The following PRKAR1A variants were observed in gnomAD, a reference collection of about 807,000 sequenced individuals.
The protein encoded by PRKAR1A is protein kinase cAMP-dependent type I regulatory subunit alpha, also known as cAMP-dependent protein kinase type I-alpha regulatory subunit.
A neutral mutation model predicts 52.0 loss-of-function variants in PRKAR1A; 3 were observed. That is an observed-to-expected ratio of 0.06 (90% CI 0.03 to 0.15). PRKAR1A has a LOEUF of 0.15. Among genes scored for constraint, PRKAR1A ranks in the 10% least tolerant of loss-of-function variants. The pLI is 1.00. For synonymous variants in PRKAR1A, 188 were observed against 168.4 expected, an observed-to-expected ratio of 1.12 and a Z score of -0.90; for missense variants, 240 against 477.4, an observed-to-expected ratio of 0.50 and a Z score of 4.63.
At chr17:68,444,650 C>A in the PRKAR1A span, 40,506 of 1,373,038 alleles carry the variant, frequency 0.03, 722 homozygotes, top group Non-Finnish European at 0.035. Flanking sequence ...CTGACCAAAT[C>A]CAAATCATTC....
chr17:68,444,464 G>C, the PRKAR1A span: 7 of 1,589,628 alleles, frequency 4.4e-6, no homozygotes, highest in Non-Finnish European at 5.2e-6. Flanking sequence ...TGAAATTTCA[G>C]GGACATTTGT....
At chr17:68,476,662 C>G in the PRKAR1A span, among the ~76,000 whole-genome samples, 1 of 150,940 alleles carries the variant, frequency 6.6e-6, no homozygotes, top group Non-Finnish European at 1.5e-5. Context: ...CTCCCTCTCT[C>G]TCTCTCTTTC....
At chr17:68,413,802 G>C in the PRKAR1A span, 1 of 156,992 alleles carries the variant, frequency 6.4e-6, no homozygotes, top group South Asian at 2.0e-4. Flanking sequence ...CCAGGTAAGG[G>C]ATGTAATCTC....
chr17:68,503,385 T>C, the PRKAR1A span, among the ~76,000 whole-genome samples: 223 of 152,326 alleles, frequency 1.5e-3, no homozygotes, highest in Non-Finnish European at 2.6e-3. Context: ...CTCAGAGAAG[T>C]TGCACATGGA....
intron 11 of PRKAR1A, chr17:68,539,275 G>T: frequency 6.4e-7 from 1 of 1,566,800 alleles, no homozygotes; most frequent in Non-Finnish European, 8.8e-7. Flanking sequence ...GACCTTGGCT[G>T]CAAGCAGCAT....
At chr17:68,533,794 A>G (rs893384774), downstream of PRKAR1A, among the ~76,000 whole-genome samples, 5 of 152,182 alleles carry the variant, frequency 3.3e-5, no homozygotes, top group East Asian at 1.9e-4. Context: ...GTGAAGTGGC[A>G]TGATCACTGC....
At chr17:68,436,591 G>A in the PRKAR1A span, 8 of 948,626 alleles carry the variant, frequency 8.4e-6, no homozygotes, top group Middle Eastern at 2.2e-4. Context: ...GGCAAGGGGA[G>A]GAATGGCTTT....
chr17:68,426,213 G>C, the PRKAR1A span: 2 of 1,293,484 alleles, frequency 1.5e-6, no homozygotes, highest in Non-Finnish European at 2.2e-6. Flanking sequence ...AAGCACTGGG[G>C]ATCTGCTTTT....
the PRKAR1A span, among the ~76,000 whole-genome samples, chr17:68,447,984 CA>C: frequency 0.62 from 49,835 of 80,016 alleles, 12,952 homozygotes; most frequent in Middle Eastern, 0.69. Flanking sequence ...GACTCTATCT[CA>C]AAAAAAAAAA....
Position 68,530,648 on chromosome 17 carries a change from T to C in PRKAR1A, c.*199T>C, listed in dbSNP as rs1382245338. On this transcript the variant is annotated 3_prime_UTR_variant, in exon 11 of 11. Coordinates refer to ENST00000589228, the MANE Select transcript of PRKAR1A (RefSeq NM_002734.5). ...AAATGCTCATACACAGTTAAATAAA[T>C]AGAAAGAGTTCTATGGAGACTTTGC... is the stretch of plus-strand genomic sequence containing the variant. The C allele has an allele frequency of 6.1e-6, 9 of 1,478,342 alleles. No individual in the cohort carries two copies. In the South Asian group the frequency reaches 1.2e-4, roughly 20 times the overall value. The allele number at this position is 1,478,342 out of a possible 1,614,324, so 91.6% of individuals were successfully genotyped here. A position where few individuals can be genotyped will look rare whatever the true frequency, so the allele number is the denominator to read the frequency against.
the PRKAR1A span, among the ~76,000 whole-genome samples, chr17:68,465,224 G>A: frequency 6.6e-6 from 1 of 152,056 alleles, no homozygotes; most frequent in Non-Finnish European, 1.5e-5. Flanking sequence ...GAGCCACCGC[G>A]CCCGGCCCCG....
At chr17:68,490,401 G>A in the PRKAR1A span, among the ~76,000 whole-genome samples, 2 of 152,224 alleles carry the variant, frequency 1.3e-5, no homozygotes, top group African/African-American at 4.8e-5. Flanking sequence ...AAAGCAGCCA[G>A]TTGTTGAGGT....
chr17:68,532,393 AT>A lies in PRKAR1A; in HGVS notation c.*1947del, dbSNP rs2086000903. 1 of 1,057,496 alleles carries A rather than the reference AT, an allele frequency of 9.5e-7. No homozygotes were observed. Among genetic ancestry groups the A allele is most frequent in the African/African-American group, 1.6e-5 (1 of 60,870 alleles). The allele number at this position is 1,057,496 out of a possible 1,614,324, so 65.5% of individuals were successfully genotyped here. ...TCTGAGTGAGTTTTACTCTTAAATC[AT>A]TTGGTTAAATCATTTGGCTTGCTGT... On this transcript the variant is annotated 3_prime_UTR_variant, in exon 11 of 11. Transcript: ENST00000589228.
rs1169440155 is a variant in PRKAR1A at position 68,529,126 on chromosome 17, G to A, written c.891+135G>A. 4 of 1,037,514 alleles carry A rather than the reference G, an allele frequency of 3.9e-6. No individual in the cohort carries two copies. The African/African-American group carries it at 4.9e-5, about 13-fold the overall frequency. The allele number at this position is 1,037,514 out of a possible 1,614,324, so 64.3% of individuals were successfully genotyped here. ...ATAGCTTTAGTTTTTAAGAATACCTGACCATTTTATTTTAAAATTATCTTT... is the reference window on the plus strand; with the variant it reads ...ATAGCTTTAGTTTTTAAGAATACCTAACCATTTTATTTTAAAATTATCTTT... On this transcript the variant is annotated intron_variant, in intron 9 of 10. Coordinates refer to ENST00000589228, the MANE Select transcript of PRKAR1A (RefSeq NM_002734.5).
chr17:68,482,181 G>A, the PRKAR1A span, among the ~76,000 whole-genome samples: 13 of 152,180 alleles, frequency 8.5e-5, no homozygotes, highest in Admixed American at 2.6e-4. Flanking sequence ...AGGATGAAGC[G>A]ACAGGGAAAA....
the PRKAR1A span, chr17:68,433,612 G>A: frequency 1.3e-6 from 2 of 1,553,886 alleles, no homozygotes; most frequent in Non-Finnish European, 1.8e-6. Context: ...GTGAGCAAGA[G>A]AAATGGGAGT....
At chr17:68,542,823 A>G (rs1292095605) in intron 11 of PRKAR1A, 12 of 1,590,494 alleles carry the variant, frequency 7.5e-6, no homozygotes, top group Non-Finnish European at 1.0e-5. Context: ...CAAGAGAGGA[A>G]GCTCTGTTCC....
At chr17:68,427,301 A>G in the PRKAR1A span, 11 of 1,407,726 alleles carry the variant, frequency 7.8e-6, no homozygotes, top group South Asian at 6.9e-5. Context: ...AAATCATCAT[A>G]TATCTAGGAC....
At chr17:68,484,365 A>T in the PRKAR1A span, among the ~76,000 whole-genome samples, 7,221 of 152,232 alleles carry the variant, frequency 0.047, 552 homozygotes, top group African/African-American at 0.16. Context: ...TTTTAAATTT[A>T]AAATTTTTCA....
Sources: allele counts gnomAD v4.1 joint callset (sites outside exome capture counted in the v4.1 genomes callset), GRCh38; gene constraint gnomAD v4.1.1; transcripts MANE v1.5; gene names NCBI Gene and HGNC (gene_info 2026-07-23, HGNC 2026-07-21).